The following SLAIN2 variants were observed in gnomAD, a reference collection of about 807,000 sequenced individuals.
SLAIN2 encodes SLAIN motif-containing protein 2.
Under a neutral mutation model 56.6 loss-of-function variants are expected in SLAIN2, and 31 were observed. The ratio of observed to expected loss-of-function variants is 0.55; its 90% CI spans 0.41 to 0.74. The LOEUF is 0.74. Ranked by LOEUF, SLAIN2 falls within the 30% of genes least tolerant of loss-of-function variation. The probability of loss-of-function intolerance (pLI) is 0.00; values close to 1 mark genes in which losing one functional copy is unlikely to be tolerated. For missense variants in SLAIN2, 777 were observed against 754.2 expected (o/e 1.03, Z -0.35); for synonymous variants, 317 against 284.9 (o/e 1.11, Z -1.13).
At chr4:48,396,885 T>C (rs1453651248) in intron 6 of SLAIN2, among the ~76,000 whole-genome samples, 1 of 152,228 alleles carries the variant, frequency 6.6e-6, no homozygotes, top group African/African-American at 2.4e-5. Flanking sequence ...ACTGTGTTGC[T>C]TGGCACAGTC....
chr4:48,380,395 A>G (rs1715940334), intron 4 of SLAIN2, among the ~76,000 whole-genome samples: 1 of 152,130 alleles, frequency 6.6e-6, no homozygotes, highest in Non-Finnish European at 1.5e-5. Context: ...TTGGGAATGA[A>G]TATCTCCTCA....
In SLAIN2 at chr4:48,341,611, G is replaced by A; in HGVS notation, c.-129G>A. 7.5e-7 allele frequency: 1 copy of A among 1,325,624 alleles called. No individual in the cohort carries two copies. The highest frequency in any genetic ancestry group is 1.8e-5 in the South Asian group (1 of 55,290). 82.1% of individuals were successfully genotyped at this position (1,325,624 alleles called of 1,614,324 possible). ...CCGAGGTGGGGGGACCCTGGCGGTG[G>A]GGCCTGGTCCTGCTATATGCCGGCG... is the stretch of plus-strand genomic sequence containing the variant. On this transcript the variant is annotated 5_prime_UTR_variant, in exon 1 of 8. Coordinates refer to ENST00000264313, the MANE Select transcript of SLAIN2 (RefSeq NM_020846.2).
In SLAIN2 at chr4:48,356,425, T is replaced by C. The variant is rs138466326; in HGVS notation, c.390-13424T>C. On this transcript the variant is annotated intron_variant, in intron 1 of 7. Coordinates refer to ENST00000264313, the MANE Select transcript of SLAIN2 (RefSeq NM_020846.2). ...AGCTGAAAAGATCTGTACTAGTAGC[T>C]GAAAAGATCTGTACTAGTAGCTGAA... 3.8e-3 allele frequency among the ~76,000 whole-genome samples: 575 copies of C among 152,266 alleles called. 5 individuals are homozygous for C. The highest frequency in any genetic ancestry group is 0.013 in the African/African-American group (533 of 41,568).
intron 6 of SLAIN2, among the ~76,000 whole-genome samples, chr4:48,393,618 TAG>T (rs1716289970): frequency 6.6e-6 from 1 of 152,180 alleles, no homozygotes; most frequent in Non-Finnish European, 1.5e-5. Flanking sequence ...TTATGCAGCC[TAG>T]CTAGGTTTAG....
intron 1 of SLAIN2, among the ~76,000 whole-genome samples, chr4:48,358,813 C>T (rs553583675): frequency 3.1e-4 from 47 of 152,078 alleles, no homozygotes; most frequent in Middle Eastern, 3.4e-3. Context: ...CTCCTCCTCC[C>T]GGGTTCAAGC....
At chr4:48,408,682 G>T (rs1413521204) in intron 6 of SLAIN2, among the ~76,000 whole-genome samples, 1 of 151,888 alleles carries the variant, frequency 6.6e-6, no homozygotes, top group African/African-American at 2.4e-5. Context: ...AAAGAGTCAC[G>T]TTTTTAAGTT....
intron 6 of SLAIN2, among the ~76,000 whole-genome samples, chr4:48,416,708 G>A (rs1577741117): frequency 6.6e-6 from 1 of 150,838 alleles, no homozygotes; most frequent in Non-Finnish European, 1.5e-5. Flanking sequence ...CTCACTCAAA[G>A]CCGCTCAACT....
chr4:48,373,286 A>G (rs959499809), intron 2 of SLAIN2, among the ~76,000 whole-genome samples: 3 of 152,126 alleles, frequency 2.0e-5, no homozygotes, highest in African/African-American at 2.4e-5. Flanking sequence ...AAACTTTTTC[A>G]TCATCCCATA....
chr4:48,365,279 G>A (rs1043632366), intron 1 of SLAIN2, among the ~76,000 whole-genome samples: 1 of 151,446 alleles, frequency 6.6e-6, no homozygotes, highest in Non-Finnish European at 1.5e-5. Flanking sequence ...GACCAGCCTG[G>A]CCAACATGGT....
intron 1 of SLAIN2, among the ~76,000 whole-genome samples, chr4:48,363,774 G>T (rs1307337643): frequency 2.2e-5 from 3 of 136,500 alleles, no homozygotes; most frequent in Non-Finnish European, 4.9e-5. Context: ...CTCCCGGACG[G>T]GGCGGCTGGC....
rs1715568739 is a variant in SLAIN2, at chr4:48,368,051, C to CTTTTTTTATTTTTTTT, written c.390-1791_390-1790insATTTTTTTTTTTTTTT. On this transcript the variant is annotated intron_variant, in intron 1 of 7. Transcript: ENST00000264313. Reference sequence around the variant, plus strand: ...TTCACTGAACGTAGTGTTTTTGAGGCTTTTTTTTTTTTTGACAGTGTTGCT... The same window carrying CTTTTTTTATTTTTTTT: ...TTCACTGAACGTAGTGTTTTTGAGGCTTTTTTTATTTTTTTTTTTTTTTTTTTTTGACAGTGTTGCT... Among the ~76,000 whole-genome samples, 7 of 88,818 alleles carry CTTTTTTTATTTTTTTT rather than the reference C, an allele frequency of 7.9e-5. 2 individuals are homozygous for CTTTTTTTATTTTTTTT. The highest frequency in any genetic ancestry group is 9.8e-5 in the Non-Finnish European group (5 of 50,934). The allele number at this position is 88,818 out of a possible 152,430, so 58.3% of individuals were successfully genotyped here.
At chr4:48,400,604 G>A (rs1023618824) in intron 6 of SLAIN2, among the ~76,000 whole-genome samples, 1 of 151,944 alleles carries the variant, frequency 6.6e-6, no homozygotes, top group African/African-American at 2.4e-5. Flanking sequence ...GTTTCACTAT[G>A]TTGGCCACAC....
intron 1 of SLAIN2, among the ~76,000 whole-genome samples, chr4:48,366,673 A>G (rs1051811696): frequency 6.6e-6 from 1 of 152,168 alleles, no homozygotes; most frequent in Non-Finnish European, 1.5e-5. Context: ...TTTGTAGACA[A>G]CGTTTCGTTG....
chr4:48,388,224 T>C (rs1340190733), intron 6 of SLAIN2, among the ~76,000 whole-genome samples: 1 of 152,198 alleles, frequency 6.6e-6, no homozygotes, highest in Non-Finnish European at 1.5e-5. Context: ...TTTTGACTTT[T>C]ATATTTGGAA....
intron 6 of SLAIN2, among the ~76,000 whole-genome samples, chr4:48,402,665 A>T (rs753210024): frequency 1.3e-5 from 2 of 152,108 alleles, no homozygotes; most frequent in Non-Finnish European, 2.9e-5. Context: ...GTATTGTTTT[A>T]TCATGATTCT....
In SLAIN2 at chr4:48,353,473, A is replaced by T. The variant is rs759912688; in HGVS notation, c.389+11345A>T. ...AAAGTAAGGCTAGGTTAGATTAAAA[A>T]AAAGGAAACTTTTTTTTTCCTTTAT... On this transcript the variant is annotated intron_variant, in intron 1 of 7. Coordinates refer to ENST00000264313, the MANE Select transcript of SLAIN2 (RefSeq NM_020846.2). Among the ~76,000 whole-genome samples the T allele has an allele frequency of 4.6e-5, 7 of 152,100 alleles. 1 individual carries two copies. Among genetic ancestry groups the T allele is most frequent in the Non-Finnish European group, 8.8e-5 (6 of 68,052 alleles).
chr4:48,422,944 A>G lies in SLAIN2; in HGVS notation c.*867A>G, dbSNP rs193261282. ...TACAGAACTAAGAGATCTTGTTTCT[A>G]TTAGCAGGTTTTCATGATAGGAAAG... On this transcript the variant is annotated 3_prime_UTR_variant, in exon 8 of 8. Coordinates refer to ENST00000264313, the MANE Select transcript of SLAIN2 (RefSeq NM_020846.2). The G allele has an allele frequency of 2.6e-5, 4 of 152,304 alleles. No individual in the cohort carries two copies. The highest frequency in any genetic ancestry group is 7.2e-5 in the African/African-American group (3 of 41,558). 9.4% of individuals were successfully genotyped at this position (152,304 alleles called of 1,614,324 possible). A position where few individuals can be genotyped will look rare whatever the true frequency, so the allele number is the denominator to read the frequency against.
chr4:48,352,823 C>T (rs568272843), intron 1 of SLAIN2, among the ~76,000 whole-genome samples: 155 of 152,170 alleles, frequency 1.0e-3, no homozygotes, highest in Middle Eastern at 3.4e-3. Context: ...GTGTCCCCAC[C>T]CAAATCTCAT....
intron 6 of SLAIN2, among the ~76,000 whole-genome samples, chr4:48,396,890 A>G (rs917050698): frequency 2.0e-5 from 3 of 152,232 alleles, no homozygotes; most frequent in Admixed American, 6.5e-5. Flanking sequence ...GTTGCTTGGC[A>G]CAGTCACTCC....
Sources: allele counts gnomAD v4.1 joint callset (sites outside exome capture counted in the v4.1 genomes callset), GRCh38; gene constraint gnomAD v4.1.1; transcripts MANE v1.5; gene names NCBI Gene and HGNC (gene_info 2026-07-23, HGNC 2026-07-21).